The following UBE2D1 variants were observed in gnomAD, a reference collection of about 807,000 sequenced individuals.
The protein encoded by UBE2D1 is ubiquitin-conjugating enzyme E2 D1.
Under a neutral mutation model 24.6 loss-of-function variants are expected in UBE2D1, and 9 were observed. That is an observed-to-expected ratio of 0.37 (90% confidence interval 0.22 to 0.64). The LOEUF is 0.64. Ranked by LOEUF, UBE2D1 falls within the 30% of genes least tolerant of loss-of-function variation. The probability of loss-of-function intolerance (pLI) is 0.64; values close to 1 mark genes in which losing one functional copy is unlikely to be tolerated. For missense variants in UBE2D1, 87 were observed against 177.1 expected, an observed-to-expected ratio of 0.49 and a Z score of 2.89; for synonymous variants, 57 against 57.6, an observed-to-expected ratio of 0.99 and a Z score of 0.04.
intron 3 of UBE2D1, among the ~76,000 whole-genome samples, chr10:58,363,155 ATC>A (rs1840218702): frequency 6.6e-6 from 1 of 152,146 alleles, no homozygotes; most frequent in Non-Finnish European, 1.5e-5. Context: ...TCTTCAGTTC[ATC>A]TCCATTCTTG....
At chr10:58,354,454 G>A (rs553687699) in intron 1 of UBE2D1, among the ~76,000 whole-genome samples, 15 of 150,968 alleles carry the variant, frequency 9.9e-5, no homozygotes, top group African/African-American at 3.2e-4. Context: ...GGTTGCCACT[G>A]AACAAATTAA....
intron 3 of UBE2D1, among the ~76,000 whole-genome samples, chr10:58,363,211 C>G (rs1383999469): frequency 6.6e-6 from 1 of 152,122 alleles, no homozygotes; most frequent in African/African-American, 2.4e-5. Flanking sequence ...TATCCTCAAC[C>G]CTTTTTCAAA....
chr10:58,339,867 A>G (rs1839944892), intron 1 of UBE2D1, among the ~76,000 whole-genome samples: 1 of 151,998 alleles, frequency 6.6e-6, no homozygotes, highest in South Asian at 2.1e-4. Flanking sequence ...CAAACTGCCT[A>G]TCTGAAGAGA....
chr10:58,336,536 T>C (rs1213449843), intron 1 of UBE2D1, among the ~76,000 whole-genome samples: 1 of 152,204 alleles, frequency 6.6e-6, no homozygotes, highest in Non-Finnish European at 1.5e-5. Flanking sequence ...TTTTGTGCCA[T>C]TTAAAGGTCA....
At chr10:58,354,887 T>A (rs964054951) in intron 1 of UBE2D1, among the ~76,000 whole-genome samples, 5 of 152,054 alleles carry the variant, frequency 3.3e-5, no homozygotes, top group African/African-American at 1.2e-4. Context: ...AAATAGTAAA[T>A]AATTTAAGAA....
Position 58,368,781 on chromosome 10 carries a change from T to C in UBE2D1, c.*16T>C. On this transcript the variant is annotated 3_prime_UTR_variant, in exon 7 of 7. Coordinates refer to ENST00000373910, the MANE Select transcript of UBE2D1 (RefSeq NM_003338.5). ...TGCAATGTAAAAATCAAAAACATTT[T>C]CATATATACCAGAGTACTGTAAAAT... The C allele has an allele frequency of 6.4e-7, 1 of 1,565,060 alleles. No homozygotes were observed. Among genetic ancestry groups the C allele is most frequent in the Non-Finnish European group, 8.7e-7 (1 of 1,148,580 alleles).
At chr10:58,366,907 T>C (rs1840261896) in intron 5 of UBE2D1, among the ~76,000 whole-genome samples, 1 of 152,130 alleles carries the variant, frequency 6.6e-6, no homozygotes, top group African/African-American at 2.4e-5. Context: ...AAATGTCTTC[T>C]TTTGCTTTTT....
intron 1 of UBE2D1, among the ~76,000 whole-genome samples, chr10:58,337,059 G>GT (rs1434122091): frequency 6.6e-6 from 1 of 151,868 alleles, no homozygotes; most frequent in Non-Finnish European, 1.5e-5. Flanking sequence ...CTGAACTAGT[G>GT]TATTTGATTT....
chr10:58,364,293 T>A (rs1256898708), intron 4 of UBE2D1, among the ~76,000 whole-genome samples: 3 of 152,200 alleles, frequency 2.0e-5, no homozygotes, highest in Non-Finnish European at 4.4e-5. Flanking sequence ...TGAAATGGTA[T>A]GACAACTCTT....
intron 1 of UBE2D1, among the ~76,000 whole-genome samples, chr10:58,356,235 T>C (rs1840129946): frequency 6.6e-6 from 1 of 152,166 alleles, no homozygotes; most frequent in Admixed American, 6.5e-5. Flanking sequence ...AACCCAGTAG[T>C]ATCTCCCAGA....
chr10:58,360,671 A>G lies in UBE2D1; in HGVS notation c.25-667A>G, dbSNP rs544124394. Among the ~76,000 whole-genome samples, 27 of 152,258 alleles carry G rather than the reference A, an allele frequency of 1.8e-4. No individual in the cohort carries two copies. In the East Asian group the frequency reaches 4.7e-3, roughly 26 times the overall value. ...TGCAGTGGCTCATGCCTGTAATTCA[A>G]TACTTTGGGAGGCCGAGGCAGGTGG... On this transcript the variant is annotated intron_variant, in intron 1 of 6. Transcript: ENST00000373910.
At chr10:58,338,759 TATGTGATGTG>T (rs148144572) in intron 1 of UBE2D1, among the ~76,000 whole-genome samples, 14 of 152,064 alleles carry the variant, frequency 9.2e-5, no homozygotes, top group Non-Finnish European at 1.5e-4. Context: ...ATACTAGCAT[TATGTGATGTG>T]ATGTGATGTG....
chr10:58,340,216 A>C (rs1477074428), intron 1 of UBE2D1, among the ~76,000 whole-genome samples: 3 of 152,208 alleles, frequency 2.0e-5, no homozygotes, highest in Non-Finnish European at 4.4e-5. Flanking sequence ...ATATTGATTA[A>C]ATTTTGAAAT....
intron 1 of UBE2D1, among the ~76,000 whole-genome samples, chr10:58,344,149 GAA>G (rs1440738275): frequency 6.6e-6 from 1 of 152,208 alleles, no homozygotes; most frequent in Non-Finnish European, 1.5e-5. Context: ...AAGCTCCTGA[GAA>G]AAGATAAGAA....
chr10:58,345,876 T>G (rs1053316453), intron 1 of UBE2D1, among the ~76,000 whole-genome samples: 3 of 152,164 alleles, frequency 2.0e-5, no homozygotes, highest in Non-Finnish European at 2.9e-5. Context: ...ATCCTGCTTT[T>G]GGGAATCGTT....
intron 1 of UBE2D1, among the ~76,000 whole-genome samples, chr10:58,346,056 G>C (rs891707215): frequency 1.3e-5 from 2 of 150,790 alleles, no homozygotes; most frequent in African/African-American, 4.9e-5. Flanking sequence ...TGTCACCCAG[G>C]CTGGAGTGCA....
chr10:58,361,438 TAA>T (rs1398957362), intron 2 of UBE2D1, 37 bp downstream of exon 2: 15 of 1,614,028 alleles, frequency 9.3e-6, no homozygotes, highest in Admixed American at 5.0e-5. Flanking sequence ...ATGCTACCTT[TAA>T]AAATATAGGT....
At chr10:58,336,322 C>G (rs1839902873) in intron 1 of UBE2D1, among the ~76,000 whole-genome samples, 1 of 152,142 alleles carries the variant, frequency 6.6e-6, no homozygotes, top group Admixed American at 6.5e-5. Flanking sequence ...GTAGTTGTTT[C>G]AGAAGAAATT....
chr10:58,339,492 T>G (rs1447751732), intron 1 of UBE2D1, among the ~76,000 whole-genome samples: 1 of 152,148 alleles, frequency 6.6e-6, no homozygotes, highest in African/African-American at 2.4e-5. Flanking sequence ...TTCCATACAA[T>G]GGATATGTAT....
Sources: gnomAD v4.1 joint callset for allele counts (sites outside exome capture counted in the v4.1 genomes callset) on GRCh38, gnomAD v4.1.1 for gene constraint, MANE v1.5 for transcripts, NCBI Gene and HGNC (gene_info 2026-07-23, HGNC 2026-07-21) for gene names.